FAM241A: variants seen among roughly 807,000 people sequenced by gnomAD.
FAM241A encodes the protein family with sequence similarity 241 member A.
Under a neutral mutation model 12.2 loss-of-function variants are expected in FAM241A, and 7 were observed. The observed-to-expected ratio is 0.58, with a 90% CI of 0.33 to 1.08. The LOEUF (loss-of-function observed/expected upper bound fraction) is 1.08, where lower values mean the gene tolerates loss of function less well. Ranked by LOEUF, FAM241A falls within the 50% of genes least tolerant of loss-of-function variation. FAM241A has a pLI of 0.04. For synonymous variants in FAM241A, 74 were observed against 68.2 expected, an observed-to-expected ratio of 1.08 and a Z score of -0.42; for missense variants, 161 against 169.7, an observed-to-expected ratio of 0.95 and a Z score of 0.29.
At chr4:112,166,881 G>C (rs1156322676) in intron 1 of FAM241A, among the ~76,000 whole-genome samples, 1 of 150,540 alleles carries the variant, frequency 6.6e-6, no homozygotes, top group Non-Finnish European at 1.5e-5. Flanking sequence ...TTGGGAGGCC[G>C]AGGCGGGCGG....
chr4:112,179,254 T>G (rs1422229576), intron 1 of FAM241A, among the ~76,000 whole-genome samples: 1 of 152,110 alleles, frequency 6.6e-6, no homozygotes, highest in African/African-American at 2.4e-5. Context: ...GTTTTTATGG[T>G]TTTAGGTCCA....
At chr4:112,181,067 A>G (rs536215191) in intron 1 of FAM241A, among the ~76,000 whole-genome samples, 3 of 152,324 alleles carry the variant, frequency 2.0e-5, no homozygotes, top group African/African-American at 7.2e-5. Context: ...TCCAAAGTGG[A>G]TCACATACCC....
At chr4:112,174,818 G>A (rs1723788411) in intron 1 of FAM241A, among the ~76,000 whole-genome samples, 1 of 152,150 alleles carries the variant, frequency 6.6e-6, no homozygotes, top group South Asian at 2.1e-4. Context: ...TAGCCTCAAT[G>A]GCACAAGGGG....
intron 1 of FAM241A, among the ~76,000 whole-genome samples, chr4:112,163,031 C>G (rs898632809): frequency 2.6e-5 from 4 of 152,116 alleles, no homozygotes; most frequent in Non-Finnish European, 1.5e-5. Flanking sequence ...TGATCTTTGA[C>G]AAACCTGAGA....
Position 112,190,475 on chromosome 4 carries a change from C to G in FAM241A, c.*3537C>G, listed in dbSNP as rs1191189512. On this transcript the variant is annotated 3_prime_UTR_variant, in exon 2 of 2. Coordinates refer to ENST00000309733, the MANE Select transcript of FAM241A (RefSeq NM_152400.3). ...CCGAAGCGGGCGGATCACCTGAGGT[C>G]GGGAGTTCGAGACTAGCCTGACCAA... 2 of 146,592 alleles carry G rather than the reference C, an allele frequency of 1.4e-5. No individual in the cohort carries two copies. The highest frequency in any genetic ancestry group is 3.0e-5 in the Non-Finnish European group (2 of 67,388). The allele number at this position is 146,592 out of a possible 1,614,324, so 9.1% of individuals were successfully genotyped here.
At chr4:112,156,173 G>A (rs550789844) in intron 1 of FAM241A, among the ~76,000 whole-genome samples, 1 of 152,262 alleles carries the variant, frequency 6.6e-6, no homozygotes, top group South Asian at 2.1e-4. Context: ...ATAAAATACT[G>A]TATATTTCTT....
intron 1 of FAM241A, among the ~76,000 whole-genome samples, chr4:112,149,851 C>T (rs923026938): frequency 1.3e-5 from 2 of 151,840 alleles, no homozygotes; most frequent in Non-Finnish European, 2.9e-5. Flanking sequence ...ATATTAATCC[C>T]TTATTTTCAC....
Position 112,188,822 on chromosome 4 carries a change from CTATT to C in FAM241A, c.*1887_*1890del, listed in dbSNP as rs949978060. 35 of 152,092 alleles carry C rather than the reference CTATT, an allele frequency of 2.3e-4. No homozygotes were observed. The highest frequency in any genetic ancestry group is 3.4e-3 in the Middle Eastern group (1 of 294). 9.4% of individuals were successfully genotyped at this position (152,092 alleles called of 1,614,324 possible). On this transcript the variant is annotated 3_prime_UTR_variant, in exon 2 of 2. Transcript: ENST00000309733. ...TTTTTAAAGTAATTTTTAATACTAA[CTATT>C]TAGTATACTGTCAGTACTGTACATC...
chr4:112,189,791 T>C lies in FAM241A; in HGVS notation c.*2853T>C, dbSNP rs1266995288. 1.3e-5 allele frequency: 2 copies of C among 151,946 alleles called. No individual in the cohort carries two copies. Among genetic ancestry groups the C allele is most frequent in the African/African-American group, 4.8e-5 (2 of 41,366 alleles). 9.4% of individuals were successfully genotyped at this position (151,946 alleles called of 1,614,324 possible). A position where few individuals can be genotyped will look rare whatever the true frequency, so the allele number is the denominator to read the frequency against. ...GTGCTGTCAAGTTGGTAGTTTGAAATTGGCCATGGTGAGAGTATTTACACC... is the reference window on the plus strand; with the variant it reads ...GTGCTGTCAAGTTGGTAGTTTGAAACTGGCCATGGTGAGAGTATTTACACC... On this transcript the variant is annotated 3_prime_UTR_variant, in exon 2 of 2. Transcript: ENST00000309733.
chr4:112,147,434 G>A (rs1243331579), intron 1 of FAM241A, among the ~76,000 whole-genome samples: 1 of 152,176 alleles, frequency 6.6e-6, no homozygotes, highest in Non-Finnish European at 1.5e-5. Context: ...TAGTCAAGAA[G>A]ACAAAAATAA....
chr4:112,160,520 A>G (rs549653082), intron 1 of FAM241A, among the ~76,000 whole-genome samples: 5 of 152,324 alleles, frequency 3.3e-5, no homozygotes, highest in African/African-American at 1.2e-4. Context: ...CTATCAAAAT[A>G]CCAATGACAT....
rs7682003 is a variant in FAM241A, at chr4:112,166,652, G to A, written c.154-20041G>A. Among the ~76,000 whole-genome samples the A allele has an allele frequency of 3.4e-3, 511 of 152,304 alleles. 3 individuals are homozygous for A. Among genetic ancestry groups the A allele is most frequent in the African/African-American group, 0.012 (496 of 41,566 alleles). Reference sequence around the variant, plus strand: ...ATCCTGGCTGGCTGATTTGGGGGAAGTCCTCTGGTGTCAGTTAGACCTCTG... The same window carrying A: ...ATCCTGGCTGGCTGATTTGGGGGAAATCCTCTGGTGTCAGTTAGACCTCTG... On this transcript the variant is annotated intron_variant, in intron 1 of 1. Transcript: ENST00000309733.
intron 1 of FAM241A, among the ~76,000 whole-genome samples, chr4:112,185,540 G>A (rs1724020491): frequency 6.6e-6 from 1 of 152,136 alleles, no homozygotes; most frequent in Admixed American, 6.5e-5. Flanking sequence ...ACCACTCATA[G>A]GACTGGGCAG....
At chr4:112,161,099 T>A (rs970545150) in intron 1 of FAM241A, among the ~76,000 whole-genome samples, 3 of 152,186 alleles carry the variant, frequency 2.0e-5, no homozygotes, top group African/African-American at 7.2e-5. Context: ...AATAAAGATG[T>A]TCTTTGAAAC....
rs934783387 is a variant in FAM241A at position 112,188,015 on chromosome 4, G to T, written c.*1077G>T. 6.6e-6 allele frequency: 1 copy of T among 152,064 alleles called. No individual in the cohort carries two copies. The highest frequency in any genetic ancestry group is 2.4e-5 in the African/African-American group (1 of 41,402). The allele number at this position is 152,064 out of a possible 1,614,324, so 9.4% of individuals were successfully genotyped here. On this transcript the variant is annotated 3_prime_UTR_variant, in exon 2 of 2. Coordinates refer to ENST00000309733, the MANE Select transcript of FAM241A (RefSeq NM_152400.3). ...TTGATAATCTTTTTCTAAGGCTAAA[G>T]TCACATCAGTAATTGGCTAGCCATG...
At chr4:112,163,703 G>A (rs1039643717) in intron 1 of FAM241A, among the ~76,000 whole-genome samples, 13 of 152,192 alleles carry the variant, frequency 8.5e-5, no homozygotes, top group African/African-American at 2.4e-4. Context: ...ACACTTTTCC[G>A]CTGTTGGTTG....
chr4:112,169,162 C>T (rs1723665619), intron 1 of FAM241A, among the ~76,000 whole-genome samples: 1 of 152,154 alleles, frequency 6.6e-6, no homozygotes, highest in Non-Finnish European at 1.5e-5. Context: ...ATTCTTTCAA[C>T]AGATGCTGGC....
At chr4:112,150,945 T>C (rs903344424) in intron 1 of FAM241A, among the ~76,000 whole-genome samples, 1 of 152,186 alleles carries the variant, frequency 6.6e-6, no homozygotes, top group Non-Finnish European at 1.5e-5. Flanking sequence ...TGGACCAAAG[T>C]CCTAACTGAA....
In FAM241A at chr4:112,179,920, T is replaced by G. The variant is rs1025458202; in HGVS notation, c.154-6773T>G. ...GATTGCATAAAGAAAATGTGATATA[T>G]ATATATATATATATATATGTATATG... On this transcript the variant is annotated intron_variant, in intron 1 of 1. Transcript: ENST00000309733. 1.9e-4 allele frequency among the ~76,000 whole-genome samples: 24 copies of G among 124,246 alleles called. 1 individual carries two copies. The highest frequency in any genetic ancestry group is 6.0e-4 in the African/African-American group (20 of 33,272). 81.5% of individuals were successfully genotyped at this position (124,246 alleles called of 152,430 possible). A position where few individuals can be genotyped will look rare whatever the true frequency, so the allele number is the denominator to read the frequency against.
Sources: gnomAD v4.1 joint callset for allele counts (sites outside exome capture counted in the v4.1 genomes callset) on GRCh38, gnomAD v4.1.1 for gene constraint, MANE v1.5 for transcripts, NCBI Gene and HGNC (gene_info 2026-07-23, HGNC 2026-07-21) for gene names.